RABEP1: variants seen among roughly 807,000 people sequenced by gnomAD.
The protein encoded by RABEP1 is rab GTPase-binding effector protein 1.
In RABEP1, 51 loss-of-function variants were observed where a neutral mutation model predicts 123.4. That is an observed-to-expected ratio of 0.41 (90% CI 0.33 to 0.52). The LOEUF (loss-of-function observed/expected upper bound fraction) is 0.52, where lower values mean the gene tolerates loss of function less well. RABEP1 is among the 20% of genes least tolerant of loss of function. The pLI, the probability that RABEP1 is intolerant of heterozygous loss-of-function variation, is 0.16. For missense variants in RABEP1, 888 were observed against 996.3 expected, an observed-to-expected ratio of 0.89 and a Z score of 1.46; for synonymous variants, 347 against 355.2, an observed-to-expected ratio of 0.98 and a Z score of 0.26.
Position 5,332,013 on chromosome 17 carries a change from C to T in RABEP1, c.228C>T (p.Thr76=). The change falls in exon 3 of 18, where the codon ACC becomes ACT. Residue 76 remains threonine, a synonymous_variant. Transcript: ENST00000537505. ...AAGATGATTTGGGACACCTTCGAAC[C>T]CAGCTGTGGGAAGCTCAAGCAGAGA... is the stretch of plus-strand genomic sequence containing the variant. ...AAQDDLGHLR[T]QLWEAQAEME... 1.2e-6 allele frequency: 2 copies of T among 1,613,962 alleles called. No homozygotes were observed. Among genetic ancestry groups the T allele is most frequent in the Non-Finnish European group, 1.7e-6 (2 of 1,179,984 alleles).
chr17:5,331,875 A>G (rs1296947891), intron 2 of RABEP1, 74 bp from the exon 3 acceptor site: 1 of 1,333,178 alleles, frequency 7.5e-7, no homozygotes, highest in Non-Finnish European at 1.0e-6. Context: ...AAAATTTAAT[A>G]CCTTATTTCT....
Position 5,338,148 on chromosome 17 carries a change from CATT to C in RABEP1, c.648+11_648+13del, listed in dbSNP as rs766453928. The C allele has an allele frequency of 6.2e-7, 1 of 1,604,510 alleles. No individual in the cohort carries two copies. The highest frequency in any genetic ancestry group is 1.1e-5 in the South Asian group (1 of 89,224). On this transcript the variant is annotated intron_variant, in intron 5 of 17. Transcript: ENST00000537505. The stretch of plus-strand genomic sequence containing the variant: ...GCTGGAGGCCTCAAAGGTTATGAAA[CATT>C]GTAATCCATTTGCTTGAAACCCAAG...
intron 2 of RABEP1, among the ~76,000 whole-genome samples, chr17:5,309,115 C>G (rs1399905470): frequency 6.6e-6 from 1 of 152,106 alleles, no homozygotes; most frequent in Non-Finnish European, 1.5e-5. Context: ...TGTGGGCAAA[C>G]TAGGATTGTT....
At chr17:5,381,309 T>G in intron 16 of RABEP1, 80 bp from the exon 17 acceptor site, 3 of 1,550,164 alleles carry the variant, frequency 1.9e-6, no homozygotes, top group Non-Finnish European at 1.7e-6. Flanking sequence ...GCCCTAGTAG[T>G]AGGTAACTAC....
At chr17:5,343,670 C>CCT (rs1907813465) in intron 5 of RABEP1, among the ~76,000 whole-genome samples, 1 of 99,952 alleles carries the variant, frequency 1.0e-5, no homozygotes, top group Non-Finnish European at 1.9e-5. Flanking sequence ...TTTCTTTTCT[C>CCT]TTTTTTTTTT....
rs200860201 is a variant in RABEP1, at chr17:5,378,161, A to AT, written c.2216-9dup. On this transcript the variant is annotated splice_polypyrimidine_tract_variant and intron_variant, in intron 14 of 17. Coordinates refer to ENST00000537505, the MANE Select transcript of RABEP1 (RefSeq NM_004703.6). The stretch of plus-strand genomic sequence containing the variant: ...TAATAGATGAATGCTAATACATCTC[A>AT]TTTTTTTCCTTCTAGCTTCTATTTC... 19,683 of 1,553,408 alleles carry AT rather than the reference A, an allele frequency of 0.013. 299 individuals carry two copies. The highest frequency in any genetic ancestry group is 0.056 in the South Asian group (4,995 of 88,608).
rs964356983 is a variant in RABEP1 at position 5,382,932 on chromosome 17, A to C, written c.2488-190A>C. On this transcript the variant is annotated intron_variant, in intron 17 of 17. Coordinates refer to ENST00000537505, the MANE Select transcript of RABEP1 (RefSeq NM_004703.6). ...ATGATGAGCAAAACTCTCCCCCCCA[A>C]AAAAAAATCCCAGTCCGTTACACGG... Among the ~76,000 whole-genome samples the C allele has an allele frequency of 1.3e-4, 20 of 152,020 alleles. No individual in the cohort carries two copies. The East Asian group carries it at 1.6e-3, about 12-fold the overall frequency.
intron 2 of RABEP1, among the ~76,000 whole-genome samples, chr17:5,319,427 C>T (rs556473450): frequency 1.8e-4 from 27 of 151,740 alleles, no homozygotes; most frequent in Admixed American, 9.8e-4. Flanking sequence ...AGTGCAGTGC[C>T]GCAATCTCGG....
chr17:5,385,108 T>C lies in RABEP1; in HGVS notation c.*1885T>C. The C allele has an allele frequency of 4.4e-6, 1 of 229,668 alleles. No homozygotes were observed. The highest frequency in any genetic ancestry group is 8.6e-6 in the Non-Finnish European group (1 of 115,834). The allele number at this position is 229,668 out of a possible 1,614,324, so 14.2% of individuals were successfully genotyped here. On this transcript the variant is annotated 3_prime_UTR_variant, in exon 18 of 18. Transcript: ENST00000537505. ...CACAATTAGGGAATGGTTAGTGGTC[T>C]CTACTGTGGCAAATGCCAACTGTTG... is the stretch of plus-strand genomic sequence containing the variant.
chr17:5,377,066 A>G lies in RABEP1; in HGVS notation c.2026-50A>G, dbSNP rs372198924. 269 of 1,514,708 alleles carry G rather than the reference A, an allele frequency of 1.8e-4. 9 individuals carry two copies. The South Asian group carries it at 2.4e-3, about 13-fold the overall frequency. 93.8% of individuals were successfully genotyped at this position (1,514,708 alleles called of 1,614,324 possible). ...GTTACAGAAAATCTTTAGCTTCTTT[A>G]TTTCCTTTCACTCTCACAAACCCAA... On this transcript the variant is annotated intron_variant, in intron 13 of 17. Transcript: ENST00000537505.
intron 2 of RABEP1, among the ~76,000 whole-genome samples, chr17:5,319,560 T>C (rs2075333435): frequency 6.6e-6 from 1 of 151,610 alleles, no homozygotes; most frequent in South Asian, 2.1e-4. Context: ...AGAGATGGGG[T>C]TTCACCATGT....
At chr17:5,289,121 ATT>A (rs1433562456) in intron 1 of RABEP1, among the ~76,000 whole-genome samples, 1 of 143,716 alleles carries the variant, frequency 7.0e-6, no homozygotes, top group African/African-American at 2.6e-5. Flanking sequence ...TCTTTCTTTC[ATT>A]TTTTTCTTTT....
intron 2 of RABEP1, among the ~76,000 whole-genome samples, chr17:5,330,353 G>GTA (rs1443934615): frequency 6.6e-6 from 1 of 152,188 alleles, no homozygotes; most frequent in East Asian, 1.9e-4. Context: ...TGTTGAGAGA[G>GTA]TAAAGATTTC....
chr17:5,368,964 C>T (rs539671735), intron 12 of RABEP1, among the ~76,000 whole-genome samples: 8 of 152,096 alleles, frequency 5.3e-5, no homozygotes, highest in South Asian at 2.1e-4. Context: ...AAAAACTAGC[C>T]GGGCGTGGTG....
intron 3 of RABEP1, among the ~76,000 whole-genome samples, chr17:5,332,412 G>T (rs1029431776): frequency 1.3e-5 from 2 of 152,086 alleles, no homozygotes; most frequent in Admixed American, 6.6e-5. Context: ...ATAGTTCATT[G>T]TAAGGCTTAA....
intron 2 of RABEP1, among the ~76,000 whole-genome samples, chr17:5,328,004 A>G (rs1906145462): frequency 2.0e-5 from 3 of 152,214 alleles, no homozygotes. Flanking sequence ...AACATAATAT[A>G]TGATATATTG....
intron 1 of RABEP1, among the ~76,000 whole-genome samples, chr17:5,295,388 CA>C (rs34686821): frequency 0.062 from 7,501 of 120,302 alleles, 296 homozygotes; most frequent in African/African-American, 0.14. Context: ...GATTCCGTCT[CA>C]AAAAAAAAAA....
intron 13 of RABEP1, among the ~76,000 whole-genome samples, chr17:5,375,052 C>T (rs1029189188): frequency 4.6e-5 from 7 of 151,692 alleles, no homozygotes; most frequent in African/African-American, 1.7e-4. Context: ...GCTGGGATTG[C>T]AGGCATGAGA....
chr17:5,349,176 A>C lies in RABEP1; in HGVS notation c.785-1275A>C, dbSNP rs145283791. Among the ~76,000 whole-genome samples the C allele has an allele frequency of 3.4e-3, 521 of 152,268 alleles. 3 individuals are homozygous for C. Among genetic ancestry groups the C allele is most frequent in the Non-Finnish European group, 6.0e-3 (407 of 68,028 alleles). On this transcript the variant is annotated intron_variant, in intron 6 of 17. Transcript: ENST00000537505. ...GTGTCTGGCTTCAGTGAAGGGTTTT[A>C]GACTGGAGAGCGGTAATATTAGTTT...
Sources: gnomAD v4.1 joint callset for allele counts (sites outside exome capture counted in the v4.1 genomes callset) on GRCh38, gnomAD v4.1.1 for gene constraint, MANE v1.5 for transcripts, NCBI Gene and HGNC (gene_info 2026-07-23, HGNC 2026-07-21) for gene names.